Variants in R3HDM4 observed in about 807,000 individuals in gnomAD.
R3HDM4 encodes the protein R3H domain-containing protein 4.
A neutral mutation model predicts 31.3 loss-of-function variants in R3HDM4; 30 were observed. The ratio of observed to expected loss-of-function variants is 0.96; its 90% CI spans 0.72 to 1.30. The LOEUF (loss-of-function observed/expected upper bound fraction) is 1.30. R3HDM4 is among the 50% of genes most tolerant of loss of function. The probability of loss-of-function intolerance (pLI) is 0.00; values close to 1 mark genes in which losing one functional copy is unlikely to be tolerated. For synonymous variants in R3HDM4, 196 were observed against 156.6 expected (o/e 1.25, Z -1.88); for missense variants, 444 against 366.1 (o/e 1.21, Z -1.74).
rs1168705553 is a variant in R3HDM4, at chr19:901,243, AGGG to A, written c.351+176_351+178del. ...GTGAATCCAGGAGCTCGAAGGTTCC[AGGG>A]GTGGGGTGGGGATTCTGGCCTGGTC... On this transcript the variant is annotated intron_variant, in intron 3 of 7. Transcript: ENST00000361574. 1.3e-5 allele frequency: 9 copies of A among 715,560 alleles called. No individual in the cohort carries two copies. The East Asian group carries it at 2.2e-4, about 18-fold the overall frequency. 44.3% of individuals were successfully genotyped at this position (715,560 alleles called of 1,614,324 possible).
At chr19:902,268 C>A in intron 1 of R3HDM4, 138 bp from the exon 2 acceptor site, 1 of 852,834 alleles carries the variant, frequency 1.2e-6, no homozygotes, top group Non-Finnish European at 1.8e-6. Flanking sequence ...GTCCTGGGCC[C>A]TTAAAATCCT....
At chr19:901,094 T>G in intron 3 of R3HDM4, 142 bp from the exon 4 acceptor site, 2 of 1,089,906 alleles carry the variant, frequency 1.8e-6, no homozygotes, top group Non-Finnish European at 2.6e-6. Flanking sequence ...CCGCTGCTTG[T>G]GTCGGGCCCT....
At chr19:902,352 G>A in intron 1 of R3HDM4, 1 of 560,868 alleles carries the variant, frequency 1.8e-6, no homozygotes, top group Non-Finnish European at 3.2e-6. Context: ...GCTCATGCCG[G>A]TGATCCCAGC....
chr19:906,862 C>T (rs577328674), intron 1 of R3HDM4, among the ~76,000 whole-genome samples: 1 of 151,428 alleles, frequency 6.6e-6, no homozygotes, highest in South Asian at 2.1e-4. Context: ...GTTGCCCAGG[C>T]TGCAGTGCAG....
At chr19:898,624 C>CA (rs71335319) in intron 7 of R3HDM4, among the ~76,000 whole-genome samples, 22,726 of 150,166 alleles carry the variant, frequency 0.15, 1,960 homozygotes, top group South Asian at 0.19. Context: ...CCAACCAAAA[C>CA]AAAAAAAAAG....
At chr19:904,317 C>T (rs1475873983) in intron 1 of R3HDM4, among the ~76,000 whole-genome samples, 1 of 152,176 alleles carries the variant, frequency 6.6e-6, no homozygotes, top group African/African-American at 2.4e-5. Context: ...TAACCCCCAC[C>T]GCCGGCACTC....
Position 901,409 on chromosome 19 carries a change from T to G in R3HDM4, c.351+13A>C, listed in dbSNP as rs1380376492. 1.2e-6 allele frequency: 2 copies of G among 1,600,138 alleles called. No homozygotes were observed. Among genetic ancestry groups the G allele is most frequent in the African/African-American group, 1.3e-5 (1 of 74,592 alleles). On this transcript the variant is annotated intron_variant, in intron 3 of 7. Transcript: ENST00000361574. ...TCCCCGTGTGGAGGGAGTGAGGGGG[T>G]TGGGGGCCACACCTCCACATAGGTG...
chr19:899,606 G>A lies in R3HDM4; in HGVS notation c.642C>T (p.Asp214=), dbSNP rs377372766. The A allele has an allele frequency of 2.9e-5, 46 of 1,612,458 alleles. No individual in the cohort carries two copies. Among genetic ancestry groups the A allele is most frequent in the Non-Finnish European group, 3.8e-5 (45 of 1,179,538 alleles). ...SPQAVYTAML[D]NSFERLLLHA... ...GCCTGGCCGCCCCCCCTTACCTGTTGTCTAGCATTGCTGTGTACACGGCCT... is the reference window on the plus strand; with the variant it reads ...GCCTGGCCGCCCCCCCTTACCTGTTATCTAGCATTGCTGTGTACACGGCCT... The change falls in exon 6 of 8, where the codon GAC becomes GAT. Residue 214 remains aspartate (D), a synonymous_variant. Transcript: ENST00000361574. The surrounding 1 kb of genome is among the most constrained non-coding windows in gnomAD (Gnocchi z 6.8).
At chr19:901,763 G>T in intron 2 of R3HDM4, 1 of 808,896 alleles carries the variant, frequency 1.2e-6, no homozygotes, top group Non-Finnish European at 1.9e-6. Flanking sequence ...TCCAATGCCC[G>T]GGGCGCCCTC....
At position 901,328 on chromosome 19, in the gene R3HDM4, G is replaced by T; in HGVS notation, c.351+94C>A. 2.2e-6 allele frequency: 3 copies of T among 1,371,140 alleles called. No individual in the cohort carries two copies. The South Asian group carries it at 4.0e-5, about 18-fold the overall frequency. 84.9% of individuals were successfully genotyped at this position (1,371,140 alleles called of 1,614,324 possible). Reference sequence around the variant, plus strand: ...ATTAGGAGATCAGAAGTGGGCGGGTGCTTCTGGCGGGGGACGGGCACAGGC... The same window carrying T: ...ATTAGGAGATCAGAAGTGGGCGGGTTCTTCTGGCGGGGGACGGGCACAGGC... On this transcript the variant is annotated intron_variant, in intron 3 of 7. Transcript: ENST00000361574.
Position 899,369 on chromosome 19 carries a change from C to A in R3HDM4, c.703+71G>T. ...CCAAGCCCCACTCTGAGGAACCAGGCCCCTGGGACCCTGGCCACTTTCCCA... is the reference window on the plus strand; with the variant it reads ...CCAAGCCCCACTCTGAGGAACCAGGACCCTGGGACCCTGGCCACTTTCCCA... On this transcript the variant is annotated intron_variant, in intron 7 of 7. Transcript: ENST00000361574. This position sits in a 1 kb window ranked among gnomAD's most constrained non-coding sequence, Gnocchi z 6.8. 2.7e-6 allele frequency: 4 copies of A among 1,505,078 alleles called. No homozygotes were observed. In the South Asian group the frequency reaches 4.5e-5, roughly 17 times the overall value. 93.2% of individuals were successfully genotyped at this position (1,505,078 alleles called of 1,614,324 possible). A position where few individuals can be genotyped will look rare whatever the true frequency, so the allele number is the denominator to read the frequency against.
At position 913,091 on chromosome 19, in the gene R3HDM4, G is replaced by C; in HGVS notation, c.67C>G (p.Leu23Val). The stretch of plus-strand genomic sequence containing the variant: ...GCCCCGCCCGCCCGCGCTCACAGCA[G>C]CCGCCGCCCGCCCGGGGTGCCCTCC... ...AAEGTPGGRR[L>V]LPLPSCLPAL... is the part of the protein sequence containing the mutation. Residue 23 changes from leucine (L) to valine (V), a missense_variant, in exon 1 of 8, where the codon CTG becomes GTG. By Grantham distance (32) the Leu-to-Val change is conservative (BLOSUM62 1). Coordinates refer to ENST00000361574, the MANE Select transcript of R3HDM4 (RefSeq NM_138774.4). This position sits in a 1 kb window ranked among gnomAD's most constrained non-coding sequence, Gnocchi z 5.0. 1 of 1,065,192 alleles carries C rather than the reference G, an allele frequency of 9.4e-7. No individual in the cohort carries two copies. Among genetic ancestry groups the C allele is most frequent in the Non-Finnish European group, 1.1e-6 (1 of 883,296 alleles). 66.0% of individuals were successfully genotyped at this position (1,065,192 alleles called of 1,614,324 possible). A position where few individuals can be genotyped will look rare whatever the true frequency, so the allele number is the denominator to read the frequency against.
In R3HDM4 at chr19:901,462, C is replaced by T; in HGVS notation, c.311G>A (p.Gly104Asp). The T allele has an allele frequency of 1.2e-6, 2 of 1,609,268 alleles. No homozygotes were observed. The highest frequency in any genetic ancestry group is 1.7e-6 in the Non-Finnish European group (2 of 1,179,596). The change falls in exon 3 of 8, where the codon GGC becomes GAC. Residue 104 changes from glycine to aspartate, a missense_variant. By Grantham distance (94) the Gly-to-Asp change is moderately conservative (BLOSUM62 -1). Transcript: ENST00000361574. ...GTTGTTGCAGGCCTCGGCAAAGATG[C>T]CTGGTGATGCAGGGGGTGCCAAGTC... The part of the protein sequence containing the change: ...DGDLAPPASP[G>D]IFAEACNNAT...
chr19:913,131 G>A lies in R3HDM4; in HGVS notation c.27C>T (p.Cys9=), dbSNP rs1371233553. 2 of 1,089,448 alleles carry A rather than the reference G, an allele frequency of 1.8e-6. No individual in the cohort carries two copies. The highest frequency in any genetic ancestry group is 2.2e-6 in the Non-Finnish European group (2 of 896,428). The allele number at this position is 1,089,448 out of a possible 1,614,324, so 67.5% of individuals were successfully genotyped here. A position where few individuals can be genotyped will look rare whatever the true frequency, so the allele number is the denominator to read the frequency against. The part of the protein sequence containing the change: MVALENPE[C]GPEAAEGTPG... ...GGGTGCCCTCCGCCGCCTCCGGGCCGCACTCGGGGTTCTCCAGCGCGACCA... is the reference window on the plus strand; with the variant it reads ...GGGTGCCCTCCGCCGCCTCCGGGCCACACTCGGGGTTCTCCAGCGCGACCA... The change falls in exon 1 of 8, where the codon TGC becomes TGT. Residue 9 remains cysteine (C), a synonymous_variant. Coordinates refer to ENST00000361574, the MANE Select transcript of R3HDM4 (RefSeq NM_138774.4). This position sits in a 1 kb window ranked among gnomAD's most constrained non-coding sequence, Gnocchi z 5.0.
chr19:898,426 A>C, intron 7 of R3HDM4, among the ~76,000 whole-genome samples: 2 of 129,924 alleles, frequency 1.5e-5, no homozygotes, highest in Admixed American at 7.8e-5. Flanking sequence ...AAAAAAAGAA[A>C]CCCGTCTCTA....
At chr19:910,676 C>G (rs1350761807) in intron 1 of R3HDM4, among the ~76,000 whole-genome samples, 1 of 152,114 alleles carries the variant, frequency 6.6e-6, no homozygotes, top group Non-Finnish European at 1.5e-5. Context: ...GAGACTCTGT[C>G]TCCAATCAAT....
Position 897,161 on chromosome 19 carries a change from G to A in R3HDM4, c.*276C>T, listed in dbSNP as rs45530938. On this transcript the variant is annotated 3_prime_UTR_variant, in exon 8 of 8. Transcript: ENST00000361574. ...TCAGACCGGGCCAGAAAAGCTCAAC[G>A]ATGAAGAAACAGGAACATGCCCAGG... 1.4e-3 allele frequency: 543 copies of A among 383,178 alleles called. No individual in the cohort carries two copies. Among genetic ancestry groups the A allele is most frequent in the Non-Finnish European group, 2.3e-3 (482 of 213,936 alleles). 23.7% of individuals were successfully genotyped at this position (383,178 alleles called of 1,614,324 possible). A position where few individuals can be genotyped will look rare whatever the true frequency, so the allele number is the denominator to read the frequency against.
chr19:901,846 G>T, intron 2 of R3HDM4, 130 bp downstream of exon 2: 1 of 1,025,202 alleles, frequency 9.8e-7, no homozygotes, highest in Non-Finnish European at 1.4e-6. Context: ...CCGGCCTACA[G>T]CTGACACCTC....
chr19:899,600 C>G lies in R3HDM4; in HGVS notation c.647+1G>C. 6.2e-7 allele frequency: 1 copy of G among 1,612,630 alleles called. No homozygotes were observed. Among genetic ancestry groups the G allele is most frequent in the Non-Finnish European group, 8.5e-7 (1 of 1,179,572 alleles). The stretch of plus-strand genomic sequence containing the variant: ...CCGCTCGCCTGGCCGCCCCCCCTTA[C>G]CTGTTGTCTAGCATTGCTGTGTACA... On this transcript the variant is annotated splice_donor_variant, in intron 6 of 7. Transcript: ENST00000361574. LOFTEE classifies it high-confidence loss of function. This position sits in a 1 kb window ranked among gnomAD's most constrained non-coding sequence, Gnocchi z 6.8.
Sources: gnomAD v4.1 joint callset for allele counts (sites outside exome capture counted in the v4.1 genomes callset) on GRCh38, gnomAD v4.1.1 for gene constraint, Gnocchi (gnomAD v3.1) non-coding constraint, MANE v1.5 for transcripts, NCBI Gene and HGNC (gene_info 2026-07-23, HGNC 2026-07-21) for gene names.